Variants in LRCH3 observed in about 807,000 individuals in gnomAD.
The protein encoded by LRCH3 is DISP complex protein LRCH3.
LRCH3 carries 68 observed loss-of-function variants against 104.5 expected under a neutral mutation model. The observed-to-expected ratio is 0.65, with a 90% confidence interval of 0.54 to 0.80. The LOEUF is 0.80. Ranked by LOEUF, LRCH3 falls within the 30% of genes least tolerant of loss-of-function variation. The probability of loss-of-function intolerance (pLI) is 0.00; values close to 1 mark genes in which losing one functional copy is unlikely to be tolerated. For synonymous variants in LRCH3, 344 were observed against 361.3 expected, an observed-to-expected ratio of 0.95 and a Z score of 0.54; for missense variants, 951 against 953.9, an observed-to-expected ratio of 1.00 and a Z score of 0.04.
At chr3:197,817,736 C>A (rs1162844389) in intron 3 of LRCH3, among the ~76,000 whole-genome samples, 1 of 151,986 alleles carries the variant, frequency 6.6e-6, no homozygotes, top group African/African-American at 2.4e-5. Flanking sequence ...CTACAAAGGT[C>A]AGGTTTATTT....
intron 20 of LRCH3, chr3:197,880,527 C>T: frequency 2.0e-6 from 3 of 1,536,140 alleles, no homozygotes; most frequent in Non-Finnish European, 1.7e-6. Context: ...TCTTTGTTCC[C>T]CTTCCGACAT....
intron 20 of LRCH3, chr3:197,882,009 T>C: frequency 2.0e-6 from 2 of 985,414 alleles, no homozygotes; most frequent in Non-Finnish European, 2.4e-6. Context: ...CTTTCAGACT[T>C]TGGGGAATTG....
chr3:197,880,711 G>A, intron 20 of LRCH3: 3 of 1,536,614 alleles, frequency 2.0e-6, no homozygotes, highest in Non-Finnish European at 2.6e-6. Flanking sequence ...TTCCCCGCTC[G>A]CTGAAAGATT....
rs142084411 is a variant in LRCH3, at chr3:197,796,169, A to G, written c.262+4629A>G. On this transcript the variant is annotated intron_variant, in intron 1 of 20. Coordinates refer to ENST00000425562, the MANE Select transcript of LRCH3 (RefSeq NM_001365715.1). ...AGAGGTCAGCATTCATTCAACAGAC[A>G]TTTATTGACTAAAGGACTTCGGCAG... Among the ~76,000 whole-genome samples, 282 of 152,278 alleles carry G rather than the reference A, an allele frequency of 1.9e-3. 1 individual carries two copies. Among genetic ancestry groups the G allele is most frequent in the African/African-American group, 6.5e-3 (269 of 41,564 alleles).
chr3:197,826,781 A>G (rs776313931), intron 4 of LRCH3, 97 bp from the exon 5 acceptor site: 8 of 1,437,920 alleles, frequency 5.6e-6, no homozygotes, highest in Non-Finnish European at 7.8e-6. Flanking sequence ...ATGGGAGTAA[A>G]TATCTATGTT....
At chr3:197,841,530 T>G (rs1737797501) in intron 10 of LRCH3, among the ~76,000 whole-genome samples, 1 of 152,226 alleles carries the variant, frequency 6.6e-6, no homozygotes, top group African/African-American at 2.4e-5. Flanking sequence ...AACCTTAATT[T>G]CATCTGCAAA....
intron 8 of LRCH3, among the ~76,000 whole-genome samples, chr3:197,834,711 T>C (rs1736447172): frequency 6.6e-6 from 1 of 152,248 alleles, no homozygotes; most frequent in Non-Finnish European, 1.5e-5. Context: ...ACTACTGTGT[T>C]TAAAACAGTA....
intron 1 of LRCH3, among the ~76,000 whole-genome samples, chr3:197,803,517 T>G (rs1732128070): frequency 6.6e-6 from 1 of 152,182 alleles, no homozygotes; most frequent in Non-Finnish European, 1.5e-5. Flanking sequence ...TTTGCTACTT[T>G]AGCCAGGTGT....
intron 1 of LRCH3, among the ~76,000 whole-genome samples, chr3:197,801,842 C>T (rs1324733840): frequency 1.3e-5 from 2 of 152,294 alleles, no homozygotes; most frequent in South Asian, 2.1e-4. Flanking sequence ...CTGAAATTAA[C>T]GTGTTGTCAG....
intron 15 of LRCH3, among the ~76,000 whole-genome samples, chr3:197,864,943 C>T (rs1741314557): frequency 6.6e-6 from 1 of 151,604 alleles, no homozygotes; most frequent in African/African-American, 2.4e-5. Context: ...ATCACCTGAG[C>T]CTGGGAGATC....
At chr3:197,875,281 A>T (rs941447680) in intron 19 of LRCH3, among the ~76,000 whole-genome samples, 2 of 152,010 alleles carry the variant, frequency 1.3e-5, no homozygotes, top group Non-Finnish European at 2.9e-5. Context: ...CTGATCCTTT[A>T]AAAAAAAGTT....
chr3:197,882,262 C>T (rs975336376), intron 20 of LRCH3: 223 of 985,266 alleles, frequency 2.3e-4, no homozygotes, highest in Non-Finnish European at 2.6e-4. Flanking sequence ...GGAGAAAGCA[C>T]GTCTCTTCCG....
chr3:197,831,044 C>T (rs1226924630), intron 7 of LRCH3, 181 bp downstream of exon 7: 1 of 516,892 alleles, frequency 1.9e-6, no homozygotes, highest in Non-Finnish European at 3.5e-6. Flanking sequence ...TACCGGCTTT[C>T]TGTCACGTGG....
intron 1 of LRCH3, among the ~76,000 whole-genome samples, chr3:197,806,779 T>G (rs1323549745): frequency 6.7e-6 from 1 of 149,810 alleles, no homozygotes; most frequent in Admixed American, 6.6e-5. Context: ...CTTGAACTCC[T>G]GACCTCAAGT....
At chr3:197,837,214 A>C (rs940876181) in intron 9 of LRCH3, among the ~76,000 whole-genome samples, 64 of 152,168 alleles carry the variant, frequency 4.2e-4, no homozygotes, top group African/African-American at 1.5e-3. Context: ...TAAAAATGAC[A>C]CATTATAATC....
At chr3:197,806,003 T>G (rs1732442661) in intron 1 of LRCH3, among the ~76,000 whole-genome samples, 1 of 152,088 alleles carries the variant, frequency 6.6e-6, no homozygotes, top group Admixed American at 6.6e-5. Context: ...CTTGGCTCAC[T>G]GCGACGTCTG....
chr3:197,825,870 T>C (rs963416019), intron 4 of LRCH3, among the ~76,000 whole-genome samples: 1 of 152,216 alleles, frequency 6.6e-6, no homozygotes, highest in African/African-American at 2.4e-5. Flanking sequence ...AATTTTTAAT[T>C]GCTACCATTA....
rs58237989 is a variant in LRCH3, at chr3:197,825,464, A to ATTTTTTTTTTTTT, written c.641-1393_641-1381dup. On this transcript the variant is annotated intron_variant, in intron 4 of 20. Coordinates refer to ENST00000425562, the MANE Select transcript of LRCH3 (RefSeq NM_001365715.1). ...TAGACCTCTTTGTTGATCCTCTTTG[A>ATTTTTTTTTTTTT]TTTTTTTTTTTTTTTTTTTTTTTTT... 3.5e-4 allele frequency among the ~76,000 whole-genome samples: 7 copies of ATTTTTTTTTTTTT among 20,070 alleles called. 3 individuals are homozygous for ATTTTTTTTTTTTT. The highest frequency in any genetic ancestry group is 3.7e-4 in the Non-Finnish European group (4 of 10,748). 13.2% of individuals were successfully genotyped at this position (20,070 alleles called of 152,430 possible).
chr3:197,838,500 C>CT (rs1354078555), intron 9 of LRCH3, among the ~76,000 whole-genome samples: 1 of 152,016 alleles, frequency 6.6e-6, no homozygotes, highest in Non-Finnish European at 1.5e-5. Flanking sequence ...TGTAGATATC[C>CT]TTTTTGGGAA....
Sources: allele counts gnomAD v4.1 joint callset (sites outside exome capture counted in the v4.1 genomes callset), GRCh38; gene constraint gnomAD v4.1.1; transcripts MANE v1.5; gene names NCBI Gene and HGNC (gene_info 2026-07-23, HGNC 2026-07-21).